Variants in ARGFX observed in about 807,000 individuals in gnomAD.
ARGFX encodes arginine-fifty homeobox.
ARGFX carries 10 observed loss-of-function variants against 8.0 expected under a neutral mutation model. That is an observed-to-expected ratio of 1.25 (90% confidence interval 0.77 to 2.12). ARGFX has a LOEUF of 2.12. Ranked by LOEUF, ARGFX falls within the 30% of genes most tolerant of loss-of-function variation. ARGFX has a pLI of 0.00. For missense variants in ARGFX, 282 were observed against 324.3 expected, an observed-to-expected ratio of 0.87 and a Z score of 1.00; for synonymous variants, 116 against 117.8, an observed-to-expected ratio of 0.98 and a Z score of 0.10.
chr3:121,571,362 A>C (rs1324467383), intron 2 of ARGFX, among the ~76,000 whole-genome samples: 1 of 152,086 alleles, frequency 6.6e-6, no homozygotes. Flanking sequence ...TGGTTTTTCT[A>C]TACACTAATA....
chr3:121,575,785 C>T (rs775081847), intron 2 of ARGFX, among the ~76,000 whole-genome samples: 6 of 151,778 alleles, frequency 4.0e-5, no homozygotes, highest in Admixed American at 1.3e-4. Flanking sequence ...TGGTGGTGAG[C>T]GCCTGTAGTC....
Position 121,586,215 on chromosome 3 carries a change from A to T in ARGFX, c.563A>T (p.Asn188Ile). Reference protein sequence around the residue: ...SLPSQPLDPSNWAWNSTFTES... With the variant: ...SLPSQPLDPSIWAWNSTFTES... Reference sequence around the variant, plus strand: ...CCATCTCAGCCCTTAGACCCTTCCAATTGGGCATGGAACTCTACCTTCACT... The same window carrying T: ...CCATCTCAGCCCTTAGACCCTTCCATTTGGGCATGGAACTCTACCTTCACT... Residue 188 changes from asparagine to isoleucine, a missense_variant, in exon 5 of 5, where the codon AAT (asparagine) becomes ATT (isoleucine). By Grantham distance (149) the Asn-to-Ile change is moderately radical. Transcript: ENST00000334384. 2 of 1,613,842 alleles carry T rather than the reference A, an allele frequency of 1.2e-6. No homozygotes were observed. The highest frequency in any genetic ancestry group is 1.7e-6 in the Non-Finnish European group (2 of 1,179,942).
intron 2 of ARGFX, among the ~76,000 whole-genome samples, chr3:121,572,236 G>T (rs867820693): frequency 6.3e-4 from 81 of 128,076 alleles, no homozygotes; most frequent in African/African-American, 1.2e-3. Context: ...TATTATTGTT[G>T]TTTTTTTTTT....
intron 2 of ARGFX, among the ~76,000 whole-genome samples, chr3:121,573,965 G>A (rs996034791): frequency 6.0e-5 from 9 of 151,072 alleles, no homozygotes; most frequent in Admixed American, 1.3e-4. Flanking sequence ...TTAGGGGAAA[G>A]AAAATCAAAA....
chr3:121,575,049 G>A (rs2048728286), intron 2 of ARGFX, among the ~76,000 whole-genome samples: 1 of 152,214 alleles, frequency 6.6e-6, no homozygotes, highest in Non-Finnish European at 1.5e-5. Flanking sequence ...GCCAGGTGCA[G>A]TAGCTCACGC....
chr3:121,573,342 G>C (rs906640979), intron 2 of ARGFX, among the ~76,000 whole-genome samples: 1 of 151,718 alleles, frequency 6.6e-6, no homozygotes, highest in Admixed American at 6.6e-5. Flanking sequence ...TTAGCCAGGC[G>C]TGGTGGCAGG....
chr3:121,588,045 T>G lies in ARGFX; in HGVS notation c.*1445T>G, dbSNP rs988580835. 1.3e-5 allele frequency among the ~76,000 whole-genome samples: 2 copies of G among 151,874 alleles called. No individual in the cohort carries two copies. The highest frequency in any genetic ancestry group is 2.9e-5 in the Non-Finnish European group (2 of 67,974). On this transcript the variant is annotated 3_prime_UTR_variant, in exon 5 of 5. Transcript: ENST00000334384. ...ACAGGAAGAAATAAAAACAGATTTT[T>G]GAAGGTGAGATGATAAACTTGCAAA... is the stretch of plus-strand genomic sequence containing the variant.
At chr3:121,571,107 C>G (rs1440266601) in intron 2 of ARGFX, among the ~76,000 whole-genome samples, 1 of 152,148 alleles carries the variant, frequency 6.6e-6, no homozygotes, top group Non-Finnish European at 1.5e-5. Flanking sequence ...TGAGAAATCT[C>G]CTTTTCCAAG....
At chr3:121,580,605 TA>T (rs1192041884) in intron 3 of ARGFX, among the ~76,000 whole-genome samples, 17 of 117,968 alleles carry the variant, frequency 1.4e-4, no homozygotes, top group East Asian at 2.8e-4. Context: ...TATATATATA[TA>T]TTTTTTTTTT....
chr3:121,580,727 C>T (rs928195205), intron 3 of ARGFX, among the ~76,000 whole-genome samples: 1 of 150,506 alleles, frequency 6.6e-6, no homozygotes, highest in Non-Finnish European at 1.5e-5. Flanking sequence ...GCATCAGCCT[C>T]CTGAGTAGCT....
At chr3:121,576,174 C>T (rs1442031925) in intron 2 of ARGFX, among the ~76,000 whole-genome samples, 1 of 151,644 alleles carries the variant, frequency 6.6e-6, no homozygotes, top group Non-Finnish European at 1.5e-5. Context: ...GTCTTGACTC[C>T]CAAGGTCAAG....
chr3:121,571,280 TC>T (rs2048706356), intron 2 of ARGFX, among the ~76,000 whole-genome samples: 1 of 152,196 alleles, frequency 6.6e-6, no homozygotes, highest in African/African-American at 2.4e-5. Flanking sequence ...TGATATTTTA[TC>T]CTGGAGATTT....
rs370139332 is a variant in ARGFX at position 121,585,986 on chromosome 3, A to G, written c.370-36A>G. The G allele has an allele frequency of 2.6e-6, 4 of 1,537,398 alleles. No individual in the cohort carries two copies. In the African/African-American group the frequency reaches 5.5e-5, roughly 21 times the overall value. On this transcript the variant is annotated intron_variant, in intron 4 of 4. Transcript: ENST00000334384. ...GAATCCTCCAATGCCTCCTCCAATA[A>G]CAGACCACAATCTCCCCCTCTTCCC...
chr3:121,585,450 C>T (rs1348131920), intron 4 of ARGFX, among the ~76,000 whole-genome samples: 2 of 152,150 alleles, frequency 1.3e-5, no homozygotes, highest in Non-Finnish European at 2.9e-5. Flanking sequence ...ATGCTACCAA[C>T]AGACAAATAA....
rs116595666 is a variant in ARGFX, at chr3:121,586,798, G to T, written c.*198G>T. On this transcript the variant is annotated 3_prime_UTR_variant, in exon 5 of 5. Coordinates refer to ENST00000334384, the MANE Select transcript of ARGFX (RefSeq NM_001012659.2). The stretch of plus-strand genomic sequence containing the variant: ...CCCCACAAGTCTCCCTGAGAAGCCT[G>T]CCTAGTCCCTTTCATGGCCAATGAG... Among the ~76,000 whole-genome samples the T allele has an allele frequency of 1.2e-3, 179 of 152,276 alleles. No individual in the cohort carries two copies. Among genetic ancestry groups the T allele is most frequent in the African/African-American group, 4.2e-3 (176 of 41,562 alleles).
intron 3 of ARGFX, among the ~76,000 whole-genome samples, chr3:121,581,948 C>A (rs1215980862): frequency 1.3e-5 from 2 of 151,966 alleles, no homozygotes; most frequent in African/African-American, 4.8e-5. Context: ...CCACATTTCC[C>A]ATGATTAATA....
Position 121,586,221 on chromosome 3 carries a change from C to A in ARGFX, c.569C>A (p.Ala190Glu). 2 of 1,613,952 alleles carry A rather than the reference C, an allele frequency of 1.2e-6. No homozygotes were observed. Among genetic ancestry groups the A allele is most frequent in the Non-Finnish European group, 1.7e-6 (2 of 1,179,914 alleles). Residue 190 changes from alanine to glutamate, a missense_variant, in exon 5 of 5, where the codon GCA becomes GAA. By Grantham distance (107) the Ala-to-Glu change is moderately radical. Transcript: ENST00000334384. ...CAGCCCTTAGACCCTTCCAATTGGG[C>A]ATGGAACTCTACCTTCACTGAGAGT... Reference protein sequence around the residue: ...PSQPLDPSNWAWNSTFTESST... With the variant: ...PSQPLDPSNWEWNSTFTESST...
intron 3 of ARGFX, among the ~76,000 whole-genome samples, chr3:121,583,157 G>A (rs1482319287): frequency 6.7e-6 from 1 of 149,400 alleles, no homozygotes; most frequent in Non-Finnish European, 1.5e-5. Context: ...AGCCTCCCTA[G>A]TAGCTGGGAT....
intron 3 of ARGFX, among the ~76,000 whole-genome samples, chr3:121,577,201 GTA>G (rs57336438): frequency 0.29 from 32,154 of 109,908 alleles, 5,358 homozygotes; most frequent in East Asian, 0.62. Context: ...ATGTGTGTAT[GTA>G]TATATATATA....
Sources: gnomAD v4.1 joint callset for allele counts (sites outside exome capture counted in the v4.1 genomes callset) on GRCh38, gnomAD v4.1.1 for gene constraint, MANE v1.5 for transcripts, NCBI Gene and HGNC (gene_info 2026-07-23, HGNC 2026-07-21) for gene names.